Variants in C12orf42 observed in about 807,000 individuals in gnomAD.
The protein encoded by C12orf42 is uncharacterized protein C12orf42.
In C12orf42, 25 loss-of-function variants were observed where a neutral mutation model predicts 21.6. The ratio of observed to expected loss-of-function variants is 1.16; its 90% CI spans 0.84 to 1.62. The LOEUF is 1.62. Among genes scored for constraint, C12orf42 ranks in the 40% most tolerant of loss-of-function variants. The probability of loss-of-function intolerance (pLI) is 0.00; values close to 1 mark genes in which losing one functional copy is unlikely to be tolerated. For synonymous variants in C12orf42, 174 were observed against 175.0 expected (o/e 0.99, Z 0.05); for missense variants, 483 against 459.3 (o/e 1.05, Z -0.47).
chr12:103,255,395 A>T (rs2136206316), intron 10 of C12orf42, among the ~76,000 whole-genome samples: 1 of 152,126 alleles, frequency 6.6e-6, no homozygotes, highest in Admixed American at 6.5e-5. Context: ...AAAACAAAAA[A>T]ATGTGTGTGT....
chr12:103,253,927 G>C, intron 10 of C12orf42, among the ~76,000 whole-genome samples: 1 of 151,780 alleles, frequency 6.6e-6, no homozygotes, highest in East Asian at 1.9e-4. Flanking sequence ...TCGGTAGGTT[G>C]TCTGTTTGCT....
chr12:103,269,482 A>G (rs2035335910), intron 6 of C12orf42, among the ~76,000 whole-genome samples: 1 of 152,166 alleles, frequency 6.6e-6, no homozygotes, highest in South Asian at 2.1e-4. Flanking sequence ...GGTTTTTGGA[A>G]CCAGTCTATT....
At chr12:103,461,635 A>G (rs1952708014) in intron 2 of C12orf42, among the ~76,000 whole-genome samples, 1 of 152,196 alleles carries the variant, frequency 6.6e-6, no homozygotes. Context: ...AGAGACTTGA[A>G]TTCTTGACTC....
At chr12:103,109,416 A>G in the C12orf42 span, among the ~76,000 whole-genome samples, 1 of 152,098 alleles carries the variant, frequency 6.6e-6, no homozygotes, top group Non-Finnish European at 1.5e-5. Context: ...TGAAGGTAAC[A>G]TTGTAGATCA....
chr12:103,053,123 G>A, the C12orf42 span, among the ~76,000 whole-genome samples: 2 of 151,734 alleles, frequency 1.3e-5, no homozygotes, highest in East Asian at 3.9e-4. Flanking sequence ...ACAAATCTTT[G>A]CCCTTTGCAT....
At chr12:103,275,624 T>A (rs575909694) in intron 5 of C12orf42, among the ~76,000 whole-genome samples, 91 of 152,072 alleles carry the variant, frequency 6.0e-4, no homozygotes, top group Non-Finnish European at 1.1e-3. Flanking sequence ...GAAGGGCATA[T>A]AAATAGAGAA....
At chr12:103,312,610 C>A (rs1156751725) in intron 4 of C12orf42, among the ~76,000 whole-genome samples, 1 of 152,178 alleles carries the variant, frequency 6.6e-6, no homozygotes, top group Non-Finnish European at 1.5e-5. Context: ...GGCAAGGGCA[C>A]AACTTTTCCC....
chr12:103,219,437 G>T, the C12orf42 span, among the ~76,000 whole-genome samples: 1 of 152,100 alleles, frequency 6.6e-6, no homozygotes, highest in Non-Finnish European at 1.5e-5. Context: ...AAGAGCTTCT[G>T]CACAGCAAAA....
the C12orf42 span, among the ~76,000 whole-genome samples, chr12:103,101,334 C>A: frequency 6.6e-6 from 1 of 152,322 alleles, no homozygotes; most frequent in South Asian, 2.1e-4. Context: ...ATTCAAGCTG[C>A]ATTAACACCT....
chr12:103,188,507 A>T, the C12orf42 span, among the ~76,000 whole-genome samples: 1 of 151,868 alleles, frequency 6.6e-6, no homozygotes, highest in African/African-American at 2.4e-5. Flanking sequence ...TGGTTTGGAT[A>T]TTTTTCCTCT....
chr12:103,302,995 C>T (rs935813463), intron 5 of C12orf42, among the ~76,000 whole-genome samples: 10 of 152,040 alleles, frequency 6.6e-5, no homozygotes, highest in Admixed American at 6.5e-4. Flanking sequence ...GTCTACAGCT[C>T]CTGTAGGCTG....
chr12:103,068,891 A>G, the C12orf42 span, among the ~76,000 whole-genome samples: 1 of 129,574 alleles, frequency 7.7e-6, no homozygotes, highest in Non-Finnish European at 1.6e-5. Flanking sequence ...ATATATATAG[A>G]TAGATAGATA....
chr12:103,069,987 G>A, the C12orf42 span, among the ~76,000 whole-genome samples: 5 of 152,160 alleles, frequency 3.3e-5, no homozygotes, highest in South Asian at 2.1e-4. Context: ...ATCCTAGCAG[G>A]TAGCTCTTTG....
chr12:103,379,087 C>A (rs1429332934), intron 3 of C12orf42, among the ~76,000 whole-genome samples: 3 of 151,770 alleles, frequency 2.0e-5, no homozygotes, highest in South Asian at 4.2e-4. Flanking sequence ...TAAATATAGA[C>A]AAAAATCACA....
intron 3 of C12orf42, among the ~76,000 whole-genome samples, chr12:103,392,142 G>A (rs1171958138): frequency 6.6e-6 from 1 of 152,158 alleles, no homozygotes; most frequent in Non-Finnish European, 1.5e-5. Flanking sequence ...ATACATGTAA[G>A]AGTTTATTTC....
chr12:103,350,481 C>T (rs548729951), intron 4 of C12orf42, among the ~76,000 whole-genome samples: 33 of 152,210 alleles, frequency 2.2e-4, no homozygotes, highest in African/African-American at 7.7e-4. Context: ...GTGATACTGG[C>T]GTAAGGTTAT....
the C12orf42 span, among the ~76,000 whole-genome samples, chr12:103,110,236 T>C: frequency 6.6e-6 from 1 of 152,182 alleles, no homozygotes; most frequent in Non-Finnish European, 1.5e-5. Flanking sequence ...AAGAGATGTA[T>C]AAGTATCAAC....
chr12:103,252,733 A>T (rs2034371612), intron 10 of C12orf42, among the ~76,000 whole-genome samples: 1 of 152,094 alleles, frequency 6.6e-6, no homozygotes, highest in South Asian at 2.1e-4. Flanking sequence ...ATTTTCTCCC[A>T]TTCTACCCAA....
chr12:103,086,708 A>G, the C12orf42 span, among the ~76,000 whole-genome samples: 1 of 151,962 alleles, frequency 6.6e-6, no homozygotes, highest in Non-Finnish European at 1.5e-5. Flanking sequence ...AATTTAATAC[A>G]TATGTTTCTG....
Sources: allele counts gnomAD v4.1 joint callset (sites outside exome capture counted in the v4.1 genomes callset), GRCh38; gene constraint gnomAD v4.1.1; transcripts MANE v1.5; gene names NCBI Gene and HGNC (gene_info 2026-07-23, HGNC 2026-07-21).